Variants in PCDHA6 observed in about 807,000 individuals in gnomAD.
The protein encoded by PCDHA6 is protocadherin alpha-6.
A neutral mutation model predicts 60.3 loss-of-function variants in PCDHA6; 55 were observed. That is an observed-to-expected ratio of 0.91 (90% CI 0.73 to 1.14). PCDHA6 has a LOEUF of 1.14. Ranked by LOEUF, PCDHA6 falls within the 50% of genes most tolerant of loss-of-function variation. The pLI is 0.00. For synonymous variants in PCDHA6, 652 were observed against 557.9 expected (o/e 1.17, Z -2.38); for missense variants, 1,327 against 1,256.5 (o/e 1.06, Z -0.85).
intron 1 of PCDHA6, among the ~76,000 whole-genome samples, chr5:140,933,209 G>GTC (rs140472192): frequency 0.32 from 48,939 of 151,636 alleles, 8,153 homozygotes; most frequent in East Asian, 0.53. Flanking sequence ...TAAATTACAT[G>GTC]TCTGTTATAT....
chr5:140,841,477 G>A (rs2150316212), intron 1 of PCDHA6: 10 of 1,612,988 alleles, frequency 6.2e-6, no homozygotes, highest in African/African-American at 4.0e-5. Flanking sequence ...CGCAGGACCT[G>A]GGGCTGGAGC....
intron 1 of PCDHA6, chr5:140,836,684 A>T: frequency 6.2e-7 from 1 of 1,613,514 alleles, no homozygotes; most frequent in Non-Finnish European, 8.5e-7. Context: ...CACCCAAGAC[A>T]GACCTCATGG....
Position 140,856,234 on chromosome 5 carries a change from G to A in PCDHA6, c.2394+25749G>A. On this transcript the variant is annotated intron_variant, in intron 1 of 3. Transcript: ENST00000529310. ...AGCTGGCGGAGCTGGTGCAGCGCCT[G>A]TTCCGGGTGGCGTCCAAAAGACACG... 3 of 1,598,040 alleles carry A rather than the reference G, an allele frequency of 1.9e-6. 1 individual carries two copies. Among genetic ancestry groups the A allele is most frequent in the Non-Finnish European group, 2.6e-6 (3 of 1,167,878 alleles).
At position 140,841,649 on chromosome 5, in the gene PCDHA6, G is replaced by A. The variant is rs2150320047; in HGVS notation, c.2394+11164G>A. 1.6e-5 allele frequency: 26 copies of A among 1,614,166 alleles called. No homozygotes were observed. In the Admixed American group the frequency reaches 3.2e-4, roughly 20 times the overall value. On this transcript the variant is annotated intron_variant, in intron 1 of 3. Transcript: ENST00000529310. ...GTGCAGCATCCACCTGGAGGTGATCGTGGACAGGCCGCTGCAGGTTTTCCA... is the reference window on the plus strand; with the variant it reads ...GTGCAGCATCCACCTGGAGGTGATCATGGACAGGCCGCTGCAGGTTTTCCA...
At chr5:140,979,563 C>T (rs1480899524) in intron 2 of PCDHA6, among the ~76,000 whole-genome samples, 1 of 152,174 alleles carries the variant, frequency 6.6e-6, no homozygotes, top group African/African-American at 2.4e-5. Context: ...GAAGATGAGC[C>T]ATGTAAAGGG....
chr5:140,854,800 A>G (rs1032685213), intron 1 of PCDHA6: 4 of 149,738 alleles, frequency 2.7e-5, no homozygotes, highest in African/African-American at 9.8e-5. Flanking sequence ...GAGAGAAAAA[A>G]ATATTTTTAC....
At chr5:140,964,566 G>A (rs2095840528) in intron 1 of PCDHA6, among the ~76,000 whole-genome samples, 1 of 152,168 alleles carries the variant, frequency 6.6e-6, no homozygotes, top group Non-Finnish European at 1.5e-5. Context: ...GGGCTGGGAG[G>A]AGATAAGGGG....
At chr5:141,006,192 G>A (rs2098259902) in intron 3 of PCDHA6, among the ~76,000 whole-genome samples, 1 of 150,138 alleles carries the variant, frequency 6.7e-6, no homozygotes, top group African/African-American at 2.5e-5. Context: ...TTTGCTATAT[G>A]TATGTTATGC....
chr5:140,869,102 C>G, intron 1 of PCDHA6: 1 of 1,598,758 alleles, frequency 6.3e-7, no homozygotes, highest in Non-Finnish European at 8.5e-7. Context: ...ATTTCGTATG[C>G]GATGTTTGGT....
intron 1 of PCDHA6, among the ~76,000 whole-genome samples, chr5:140,942,542 G>C (rs1023135030): frequency 6.6e-5 from 10 of 152,046 alleles, no homozygotes; most frequent in African/African-American, 2.4e-4. Flanking sequence ...AGTATGGTGG[G>C]GGGTAGGGGG....
Position 140,853,023 on chromosome 5 carries a change from C to T in PCDHA6, c.2394+22538C>T, listed in dbSNP as rs1239749008. On this transcript the variant is annotated intron_variant, in intron 1 of 3. Transcript: ENST00000529310. ...CCTCCCGAGTAGCTGGGACTACAGG[C>T]GCCTGCCACCATGCCCGCCTAATTT... 6 of 257,856 alleles carry T rather than the reference C, an allele frequency of 2.3e-5. 1 individual carries two copies. The highest frequency in any genetic ancestry group is 1.2e-4 in the African/African-American group (5 of 42,466). 16.0% of individuals were successfully genotyped at this position (257,856 alleles called of 1,614,324 possible). A position where few individuals can be genotyped will look rare whatever the true frequency, so the allele number is the denominator to read the frequency against.
At chr5:140,906,045 T>C (rs1002159774) in intron 1 of PCDHA6, among the ~76,000 whole-genome samples, 3 of 152,194 alleles carry the variant, frequency 2.0e-5, no homozygotes, top group African/African-American at 7.2e-5. Flanking sequence ...GCTTTTATTC[T>C]GGCTGCACTG....
chr5:141,006,646 A>G (rs1478861419), intron 3 of PCDHA6, among the ~76,000 whole-genome samples: 1 of 152,206 alleles, frequency 6.6e-6, no homozygotes, highest in African/African-American at 2.4e-5. Flanking sequence ...ATAAGAGATG[A>G]TGGTGTCCTG....
chr5:140,874,280 C>T (rs1317233709), intron 1 of PCDHA6, among the ~76,000 whole-genome samples: 3 of 152,146 alleles, frequency 2.0e-5, no homozygotes, highest in Admixed American at 6.5e-5. Flanking sequence ...AATAGACTTA[C>T]AAAATCTATG....
rs782270666 is a variant in PCDHA6, at chr5:140,884,372, A to G, written c.2394+53887A>G. ...GGTGGATGTCAATGTTTACTTGATC[A>G]TTGCCATCTGCGCGGTGTCCAGCCT... On this transcript the variant is annotated intron_variant, in intron 1 of 3. Coordinates refer to ENST00000529310, the MANE Select transcript of PCDHA6 (RefSeq NM_018909.4). 6 of 1,613,806 alleles carry G rather than the reference A, an allele frequency of 3.7e-6. No homozygotes were observed. Among genetic ancestry groups the G allele is most frequent in the Non-Finnish European group, 5.1e-6 (6 of 1,179,874 alleles).
intron 1 of PCDHA6, chr5:140,877,731 G>A (rs2153355415): frequency 1.2e-6 from 2 of 1,614,176 alleles, no homozygotes; most frequent in Non-Finnish European, 1.7e-6. Context: ...ACTCGCAGCA[G>A]AGGAGGCAGA....
intron 1 of PCDHA6, among the ~76,000 whole-genome samples, chr5:140,886,642 A>T (rs1412113366): frequency 6.6e-6 from 1 of 152,048 alleles, no homozygotes; most frequent in African/African-American, 2.4e-5. Flanking sequence ...CCTGGCCAAC[A>T]TGGTGAAACC....
intron 1 of PCDHA6, among the ~76,000 whole-genome samples, chr5:140,971,377 T>C (rs2096474353): frequency 6.6e-6 from 1 of 152,210 alleles, no homozygotes; most frequent in African/African-American, 2.4e-5. Flanking sequence ...AGTGCATGAC[T>C]TTAATAAAGG....
intron 1 of PCDHA6, among the ~76,000 whole-genome samples, chr5:140,844,558 A>G (rs1779439411): frequency 6.7e-6 from 1 of 149,510 alleles, no homozygotes; most frequent in South Asian, 2.1e-4. Flanking sequence ...GAGTTGGAAT[A>G]TTTTCAATAA....
Sources: gnomAD v4.1 joint callset for allele counts (sites outside exome capture counted in the v4.1 genomes callset) on GRCh38, gnomAD v4.1.1 for gene constraint, MANE v1.5 for transcripts, NCBI Gene and HGNC (gene_info 2026-07-23, HGNC 2026-07-21) for gene names.